Variants in C9orf72 observed in about 807,000 individuals in gnomAD.
C9orf72 encodes C9orf72-SMCR8 complex subunit.
Under a neutral mutation model 51.6 loss-of-function variants are expected in C9orf72, and 44 were observed. The ratio of observed to expected loss-of-function variants is 0.85; its 90% CI spans 0.67 to 1.10. C9orf72 has a LOEUF of 1.10. Among genes scored for constraint, C9orf72 ranks in the 50% least tolerant of loss-of-function variants. The probability of loss-of-function intolerance (pLI) is 0.00; values close to 1 mark genes in which losing one functional copy is unlikely to be tolerated. For missense variants in C9orf72, 607 were observed against 570.6 expected (o/e 1.06, Z -0.65); for synonymous variants, 213 against 194.2 (o/e 1.10, Z -0.81).
chr9:27,559,957 T>A (rs1012846119), intron 6 of C9orf72: 1 of 179,830 alleles, frequency 5.6e-6, no homozygotes. Context: ...TAATTTTTTT[T>A]ATATATCTGA....
At chr9:27,568,819 A>G (rs3849945) in intron 1 of C9orf72, among the ~76,000 whole-genome samples, 26,970 of 151,620 alleles carry the variant, frequency 0.18, 2,784 homozygotes, top group Middle Eastern at 0.26. Flanking sequence ...TTGTTATTTT[A>G]GAGTGCACTC....
chr9:27,562,452 T>A lies in C9orf72; in HGVS notation c.529A>T (p.Thr177Ser). 1 of 1,590,848 alleles carries A rather than the reference T, an allele frequency of 6.3e-7. No individual in the cohort carries two copies. The highest frequency in any genetic ancestry group is 8.6e-7 in the Non-Finnish European group (1 of 1,166,696). Reference protein sequence around the residue: ...DQGQSIIPMLTGEVIPVMELL... With the variant: ...DQGQSIIPMLSGEVIPVMELL... ...TCCATTACAGGAATCACTTCTCCAG[T>A]AAGCATTGGAATAATACTCTGACCC... Residue 177 changes from threonine to serine, a missense_variant, in exon 4 of 11, where the codon ACT becomes TCT. Transcript: ENST00000380003.
At chr9:27,551,991 A>T (rs1004720510) in intron 8 of C9orf72, among the ~76,000 whole-genome samples, 2 of 152,084 alleles carry the variant, frequency 1.3e-5, no homozygotes, top group African/African-American at 4.8e-5. Flanking sequence ...AAGGTGTTGG[A>T]GTATAGAGAA....
At chr9:27,563,017 T>C (rs970611087) in intron 3 of C9orf72, among the ~76,000 whole-genome samples, 27 of 132,362 alleles carry the variant, frequency 2.0e-4, no homozygotes, top group African/African-American at 7.0e-4. Context: ...AAGATCTCCT[T>C]TAAAATTTGA....
intron 3 of C9orf72, among the ~76,000 whole-genome samples, chr9:27,563,026 G>C (rs1819388250): frequency 2.1e-5 from 1 of 47,172 alleles, no homozygotes; most frequent in Non-Finnish European, 5.9e-5. Flanking sequence ...TTTAAAATTT[G>C]AGATAAAAAA....
In C9orf72 at chr9:27,566,932, G is replaced by T. The variant is rs763867472; in HGVS notation, c.189C>A (p.Ala63=). 46 of 1,613,946 alleles carry T rather than the reference G, an allele frequency of 2.9e-5. No individual in the cohort carries two copies. Among genetic ancestry groups the T allele is most frequent in the Non-Finnish European group, 3.8e-5 (45 of 1,179,948 alleles). ...GGATTTCTCCATTTAGAGTGTGGTT[G>T]GCAAGAAAAGTTATTTCTCCATCAC... ...LLSDGEITFL[A]NHTLNGEILR... is the part of the protein sequence containing the mutation. The change falls in exon 2 of 11, where the codon GCC becomes GCA. Residue 63 remains alanine (A), a synonymous_variant. Coordinates refer to ENST00000380003, the MANE Select transcript of C9orf72 (RefSeq NM_018325.5).
At position 27,567,101 on chromosome 9, in the gene C9orf72, G is replaced by A. The variant is rs933551671; in HGVS notation, c.20C>T (p.Pro7Leu). The change falls in exon 2 of 11, where the codon CCG becomes CTG. Residue 7 changes from proline to leucine, a missense_variant. Pro to Leu is a moderately conservative substitution (Grantham distance 98, BLOSUM62 -3). Coordinates refer to ENST00000380003, the MANE Select transcript of C9orf72 (RefSeq NM_018325.5). Reference sequence around the variant, plus strand: ...TGTCTTGGCAACAGCTGGAGATGGCGGTGGGCAAAGAGTCGACATCACTGC... The same window carrying A: ...TGTCTTGGCAACAGCTGGAGATGGCAGTGGGCAAAGAGTCGACATCACTGC... MSTLCP[P>L]PSPAVAKTEI... 2.0e-5 allele frequency: 32 copies of A among 1,613,202 alleles called. No homozygotes were observed. The highest frequency in any genetic ancestry group is 4.0e-5 in the African/African-American group (3 of 74,894).
rs1820777561 is a variant in C9orf72, at chr9:27,546,768, ATGAC to A, written c.*1464_*1467del. ...AAGGTAGTATTTATATATTTTTTAAATGACTGAGCTACAGTACAACAGTCATCTA... is the reference window on the plus strand; with the variant it reads ...AAGGTAGTATTTATATATTTTTTAAATGAGCTACAGTACAACAGTCATCTA... On this transcript the variant is annotated 3_prime_UTR_variant, in exon 11 of 11. Coordinates refer to ENST00000380003, the MANE Select transcript of C9orf72 (RefSeq NM_018325.5). 1 of 152,190 alleles carries A rather than the reference ATGAC, an allele frequency of 6.6e-6. No individual in the cohort carries two copies. The highest frequency in any genetic ancestry group is 2.4e-5 in the African/African-American group (1 of 41,446). 9.4% of individuals were successfully genotyped at this position (152,190 alleles called of 1,614,324 possible).
In C9orf72 at chr9:27,546,658, C is replaced by T. The variant is rs1302328772; in HGVS notation, c.*1578G>A. The T allele has an allele frequency of 6.6e-6, 1 of 152,108 alleles. No homozygotes were observed. The highest frequency in any genetic ancestry group is 2.4e-5 in the African/African-American group (1 of 41,444). 9.4% of individuals were successfully genotyped at this position (152,108 alleles called of 1,614,324 possible). A position where few individuals can be genotyped will look rare whatever the true frequency, so the allele number is the denominator to read the frequency against. ...ACTGTACAACTTACATTCTGTATAACAGTACAATAAACCAGCCAAAGAAAA... is the reference window on the plus strand; with the variant it reads ...ACTGTACAACTTACATTCTGTATAATAGTACAATAAACCAGCCAAAGAAAA... On this transcript the variant is annotated 3_prime_UTR_variant, in exon 11 of 11. Coordinates refer to ENST00000380003, the MANE Select transcript of C9orf72 (RefSeq NM_018325.5).
intron 8 of C9orf72, among the ~76,000 whole-genome samples, chr9:27,554,129 T>C (rs943602440): frequency 4.6e-5 from 7 of 152,226 alleles, no homozygotes; most frequent in Middle Eastern, 3.4e-3. Context: ...TAACTGAAAA[T>C]AGAACTACCA....
chr9:27,561,952 G>A (rs1258624035), intron 4 of C9orf72, among the ~76,000 whole-genome samples: 1 of 152,254 alleles, frequency 6.6e-6, no homozygotes, highest in South Asian at 2.1e-4. Flanking sequence ...TTTCCTAAAG[G>A]TATCTCTTAA....
intron 3 of C9orf72, among the ~76,000 whole-genome samples, chr9:27,563,510 G>A (rs1003358072): frequency 1.3e-5 from 2 of 152,122 alleles, no homozygotes; most frequent in South Asian, 2.1e-4. Context: ...CATTATTTAA[G>A]ATGAATTTAA....
intron 3 of C9orf72, among the ~76,000 whole-genome samples, chr9:27,563,717 T>C (rs184126589): frequency 5.5e-4 from 84 of 152,242 alleles, no homozygotes; most frequent in African/African-American, 2.0e-3. Context: ...CTAAGCCATA[T>C]GCCCATTTGC....
intron 5 of C9orf72, chr9:27,561,245 C>A: frequency 9.4e-7 from 1 of 1,064,118 alleles, no homozygotes; most frequent in Non-Finnish European, 1.1e-6. Context: ...TTGTTCTACG[C>A]CTAAATAACT....
chr9:27,551,512 T>C (rs1224416009), intron 8 of C9orf72, among the ~76,000 whole-genome samples: 8 of 152,128 alleles, frequency 5.3e-5, no homozygotes, highest in African/African-American at 1.4e-4. Context: ...TAACTGAAAG[T>C]GGTAGGGATC....
intron 8 of C9orf72, among the ~76,000 whole-genome samples, chr9:27,551,394 T>G (rs570038076): frequency 6.6e-6 from 1 of 152,350 alleles, no homozygotes; most frequent in South Asian, 2.1e-4. Flanking sequence ...ACAGGACTAC[T>G]TATTCCCTTC....
intron 8 of C9orf72, among the ~76,000 whole-genome samples, chr9:27,556,131 T>G (rs969478858): frequency 4.6e-5 from 7 of 152,096 alleles, no homozygotes; most frequent in Admixed American, 1.3e-4. Context: ...TTAACAGTTT[T>G]GCTGTATTTT....
intron 8 of C9orf72, among the ~76,000 whole-genome samples, chr9:27,551,510 AG>A (rs1340023270): frequency 6.6e-6 from 1 of 152,210 alleles, no homozygotes; most frequent in African/African-American, 2.4e-5. Context: ...TTTAACTGAA[AG>A]TGGTAGGGAT....
At chr9:27,552,295 G>C (rs554934453) in intron 8 of C9orf72, among the ~76,000 whole-genome samples, 1 of 152,156 alleles carries the variant, frequency 6.6e-6, no homozygotes, top group African/African-American at 2.4e-5. Context: ...GTCATAGATG[G>C]TTCTTATTTT....
Sources: gnomAD v4.1 joint callset for allele counts (sites outside exome capture counted in the v4.1 genomes callset) on GRCh38, gnomAD v4.1.1 for gene constraint, MANE v1.5 for transcripts, NCBI Gene and HGNC (gene_info 2026-07-23, HGNC 2026-07-21) for gene names.